The following SUMF1 variants were observed in gnomAD, a reference collection of about 807,000 sequenced individuals.
The protein encoded by SUMF1 is formylglycine-generating enzyme.
SUMF1 carries 48 observed loss-of-function variants against 47.6 expected under a neutral mutation model. That is an observed-to-expected ratio of 1.01 (90% confidence interval 0.80 to 1.28). The LOEUF is 1.28. SUMF1 is among the 50% of genes most tolerant of loss of function. SUMF1 has a pLI of 0.00. For synonymous variants in SUMF1, 230 were observed against 192.1 expected (o/e 1.20, Z -1.63); for missense variants, 571 against 485.4 (o/e 1.18, Z -1.66).
chr3:4,147,224 A>G (rs1333281180), intron 8 of SUMF1, among the ~76,000 whole-genome samples: 1 of 152,152 alleles, frequency 6.6e-6, no homozygotes, highest in African/African-American at 2.4e-5. Context: ...GTGGGACTGT[A>G]AACTAGTTCA....
At chr3:4,100,809 G>C (rs1693014598) in intron 8 of SUMF1, among the ~76,000 whole-genome samples, 1 of 151,760 alleles carries the variant, frequency 6.6e-6, no homozygotes, top group Admixed American at 6.6e-5. Context: ...CCAATAACAA[G>C]AAAACAAATA....
intron 7 of SUMF1, among the ~76,000 whole-genome samples, chr3:4,393,397 A>G (rs1177594456): frequency 3.3e-5 from 5 of 152,144 alleles, no homozygotes; most frequent in African/African-American, 1.2e-4. Flanking sequence ...CAGTGGTGCA[A>G]TCATAGCTCA....
chr3:4,249,830 C>A (rs753246138), intron 8 of SUMF1, among the ~76,000 whole-genome samples: 2 of 152,160 alleles, frequency 1.3e-5, no homozygotes, highest in Non-Finnish European at 2.9e-5. Context: ...CAAAGGAAAA[C>A]TTCTCCGAGG....
intron 8 of SUMF1, among the ~76,000 whole-genome samples, chr3:4,178,274 T>C (rs201964989): frequency 3.7e-4 from 56 of 152,272 alleles, no homozygotes; most frequent in East Asian, 9.6e-4. Context: ...CCGATGAACA[T>C]TGATGCAAAA....
intron 7 of SUMF1, among the ~76,000 whole-genome samples, chr3:4,383,563 T>C (rs544521380): frequency 6.6e-6 from 1 of 152,340 alleles, no homozygotes; most frequent in South Asian, 2.1e-4. Flanking sequence ...TTTTGAAGGA[T>C]GTTTGTGTAA....
chr3:4,371,592 CT>C (rs1389430713), intron 8 of SUMF1, among the ~76,000 whole-genome samples: 10 of 152,186 alleles, frequency 6.6e-5, no homozygotes, highest in Non-Finnish European at 1.3e-4. Context: ...TCCTTTTGCT[CT>C]TCATCTTGGT....
At chr3:4,080,406 C>G (rs1692534320) in intron 8 of SUMF1, among the ~76,000 whole-genome samples, 1 of 152,088 alleles carries the variant, frequency 6.6e-6, no homozygotes, top group Non-Finnish European at 1.5e-5. Context: ...CAGTTTATCT[C>G]CAGCCCTCCT....
intron 8 of SUMF1, among the ~76,000 whole-genome samples, chr3:4,198,146 TTCTC>T (rs1488183176): frequency 1.3e-5 from 2 of 152,032 alleles, no homozygotes; most frequent in African/African-American, 4.8e-5. Context: ...AGAGGTATGT[TTCTC>T]TCCTATTCCT....
intron 7 of SUMF1, among the ~76,000 whole-genome samples, chr3:4,392,263 T>C (rs937760289): frequency 2.0e-5 from 3 of 152,188 alleles, no homozygotes; most frequent in African/African-American, 7.2e-5. Flanking sequence ...TTCTACTTGG[T>C]TCTTTTTTTA....
At chr3:4,426,138 G>C (rs978257765) in intron 3 of SUMF1, among the ~76,000 whole-genome samples, 1 of 152,070 alleles carries the variant, frequency 6.6e-6, no homozygotes, top group African/African-American at 2.4e-5. Context: ...GGGTGTGAGG[G>C]GTAAACAGAA....
At chr3:4,431,555 C>T (rs6788388) in intron 3 of SUMF1, among the ~76,000 whole-genome samples, 38,708 of 152,128 alleles carry the variant, frequency 0.25, 5,948 homozygotes, top group Middle Eastern at 0.37. Context: ...AATTTTTCTC[C>T]GCCCTCCTCA....
chr3:4,162,753 T>C (rs1275704754), intron 8 of SUMF1, among the ~76,000 whole-genome samples: 1 of 152,160 alleles, frequency 6.6e-6, no homozygotes, highest in Non-Finnish European at 1.5e-5. Context: ...CTTTCAGTGA[T>C]ATGAAGTTAA....
At position 4,083,494 on chromosome 3, in the gene SUMF1, T is replaced by C. The variant is rs372918784; in HGVS notation, c.1015-14749A>G. 9.3e-4 allele frequency among the ~76,000 whole-genome samples: 141 copies of C among 152,224 alleles called. 2 individuals carry two copies. The highest frequency in any genetic ancestry group is 3.3e-3 in the African/African-American group (137 of 41,508). On this transcript the variant is annotated intron_variant and NMD_transcript_variant, in intron 8 of 12. Transcript: ENST00000448413. ...TATCGGCTGCACCCCAGCGTGACTATGAAACACCCAGAAGAAGCAAAGAAA... is the reference window on the plus strand; with the variant it reads ...TATCGGCTGCACCCCAGCGTGACTACGAAACACCCAGAAGAAGCAAAGAAA...
intron 8 of SUMF1, among the ~76,000 whole-genome samples, chr3:4,132,176 T>A (rs1374834613): frequency 6.6e-6 from 1 of 152,174 alleles, no homozygotes; most frequent in Admixed American, 6.5e-5. Context: ...CCGCTCACAA[T>A]GCTTCTGTCA....
chr3:4,153,055 T>C (rs1175639519), intron 8 of SUMF1, among the ~76,000 whole-genome samples: 4 of 151,588 alleles, frequency 2.6e-5, no homozygotes, highest in Non-Finnish European at 5.9e-5. Flanking sequence ...AAGCGAGCTC[T>C]CAGAACCCTG....
rs78400691 is a variant in SUMF1 at position 4,226,759 on chromosome 3, T to C, written c.1014+149571A>G. Among the ~76,000 whole-genome samples the C allele has an allele frequency of 5.1e-4, 77 of 152,176 alleles. No individual in the cohort carries two copies. The East Asian group carries it at 8.3e-3, about 16-fold the overall frequency. On this transcript the variant is annotated intron_variant and NMD_transcript_variant, in intron 8 of 12. Transcript: ENST00000448413. ...ACGAGACAACCTGGCTCAAGTGCTC[T>C]TAACAATTATGCTCTACTGCCTCAC... is the stretch of plus-strand genomic sequence containing the variant.
chr3:4,101,283 T>A (rs1215519673), intron 8 of SUMF1, among the ~76,000 whole-genome samples: 1 of 152,254 alleles, frequency 6.6e-6, no homozygotes, highest in Middle Eastern at 3.4e-3. Context: ...ATGTGGTATA[T>A]ACACACAATG....
intron 8 of SUMF1, among the ~76,000 whole-genome samples, chr3:4,114,328 T>G (rs1345957623): frequency 1.3e-5 from 2 of 152,070 alleles, no homozygotes; most frequent in Non-Finnish European, 2.9e-5. Flanking sequence ...TACAAACCCC[T>G]GGGACAAAAG....
At chr3:4,223,832 G>A (rs1696117388) in intron 8 of SUMF1, among the ~76,000 whole-genome samples, 1 of 152,094 alleles carries the variant, frequency 6.6e-6, no homozygotes, top group South Asian at 2.1e-4. Context: ...GCATCAAAAG[G>A]CTCTGACTAA....
Sources: gnomAD v4.1 joint callset for allele counts (sites outside exome capture counted in the v4.1 genomes callset) on GRCh38, gnomAD v4.1.1 for gene constraint, MANE v1.5 for transcripts, NCBI Gene and HGNC (gene_info 2026-07-23, HGNC 2026-07-21) for gene names.